RIT2: variants seen among roughly 807,000 people sequenced by gnomAD.
RIT2 encodes the protein Ras like without CAAX 2.
Under a neutral mutation model 23.7 loss-of-function variants are expected in RIT2, and 24 were observed. That is an observed-to-expected ratio of 1.01 (90% CI 0.73 to 1.43). The LOEUF (loss-of-function observed/expected upper bound fraction) is 1.43, where lower values mean the gene tolerates loss of function less well. Among genes scored for constraint, RIT2 ranks in the 40% most tolerant of loss-of-function variants. The pLI, the probability that RIT2 is intolerant of heterozygous loss-of-function variation, is 0.00. For synonymous variants in RIT2, 107 were observed against 91.1 expected (o/e 1.17, Z -0.99); for missense variants, 236 against 266.9 (o/e 0.88, Z 0.81).
At chr18:43,111,722 A>G (rs1339268622) in intron 1 of RIT2, among the ~76,000 whole-genome samples, 3 of 152,154 alleles carry the variant, frequency 2.0e-5, no homozygotes, top group Non-Finnish European at 4.4e-5. Flanking sequence ...GCTACTTTGT[A>G]TACATATCTG....
At chr18:42,894,577 C>A (rs1204745284) in intron 4 of RIT2, among the ~76,000 whole-genome samples, 1 of 152,072 alleles carries the variant, frequency 6.6e-6, no homozygotes, top group Non-Finnish European at 1.5e-5. Flanking sequence ...TGTGATCAGT[C>A]AGGCTATGAT....
At chr18:42,989,215 T>C (rs1910783897) in intron 2 of RIT2, among the ~76,000 whole-genome samples, 1 of 152,176 alleles carries the variant, frequency 6.6e-6, no homozygotes, top group South Asian at 2.1e-4. Context: ...TTTTGGACAA[T>C]GAATGGGCTA....
chr18:43,074,201 C>T (rs1188337053), intron 1 of RIT2, among the ~76,000 whole-genome samples: 1 of 152,174 alleles, frequency 6.6e-6, no homozygotes, highest in Admixed American at 6.5e-5. Flanking sequence ...AAATTAAACT[C>T]ACTTAATATT....
At chr18:42,764,210 A>T (rs958198826) in intron 4 of RIT2, among the ~76,000 whole-genome samples, 2 of 152,226 alleles carry the variant, frequency 1.3e-5, no homozygotes, top group Non-Finnish European at 2.9e-5. Context: ...CAGCATCGTG[A>T]TCACACTGAT....
intron 3 of RIT2, among the ~76,000 whole-genome samples, chr18:42,925,732 CTTCT>C (rs1393416863): frequency 6.6e-6 from 1 of 151,586 alleles, no homozygotes; most frequent in Non-Finnish European, 1.5e-5. Flanking sequence ...CAGTTAATAG[CTTCT>C]TTAACTTTAC....
At chr18:43,024,233 G>T (rs1364734119) in intron 2 of RIT2, among the ~76,000 whole-genome samples, 1 of 151,916 alleles carries the variant, frequency 6.6e-6, no homozygotes, top group Non-Finnish European at 1.5e-5. Flanking sequence ...ACACAGAATA[G>T]AAGGCCAGAA....
chr18:43,082,006 G>A (rs537650921), intron 1 of RIT2, among the ~76,000 whole-genome samples: 66 of 152,156 alleles, frequency 4.3e-4, no homozygotes, highest in Non-Finnish European at 8.1e-4. Context: ...ACTTGTTTAA[G>A]ATAGTCGTAA....
At chr18:42,925,481 A>T (rs1221443368) in intron 3 of RIT2, among the ~76,000 whole-genome samples, 2 of 152,038 alleles carry the variant, frequency 1.3e-5, no homozygotes, top group Non-Finnish European at 2.9e-5. Flanking sequence ...TCAGTTGTAT[A>T]TGATTAAAAC....
At chr18:42,909,615 G>C (rs954645047) in intron 4 of RIT2, among the ~76,000 whole-genome samples, 3 of 151,796 alleles carry the variant, frequency 2.0e-5, no homozygotes, top group Non-Finnish European at 4.4e-5. Context: ...CACCGCTAAA[G>C]AACATAACCA....
At chr18:42,892,983 C>T (rs186330128) in intron 4 of RIT2, among the ~76,000 whole-genome samples, 31 of 152,178 alleles carry the variant, frequency 2.0e-4, no homozygotes, top group African/African-American at 7.0e-4. Context: ...GCATGGAGGC[C>T]ATTTTTGGAA....
chr18:42,777,178 A>T (rs1913692042), intron 4 of RIT2, among the ~76,000 whole-genome samples: 1 of 152,104 alleles, frequency 6.6e-6, no homozygotes, highest in Non-Finnish European at 1.5e-5. Flanking sequence ...GGGCAGGAGA[A>T]ATCAAAAATT....
chr18:42,833,827 A>G (rs529205926), intron 4 of RIT2, among the ~76,000 whole-genome samples: 1 of 151,422 alleles, frequency 6.6e-6, no homozygotes, highest in Non-Finnish European at 1.5e-5. Flanking sequence ...GAAGAAAAAC[A>G]AAGAAAAATA....
At chr18:42,854,008 G>C (rs1907120711) in intron 4 of RIT2, among the ~76,000 whole-genome samples, 1 of 152,000 alleles carries the variant, frequency 6.6e-6, no homozygotes. Context: ...CTTATTACTG[G>C]TAGCTTAGTA....
intron 4 of RIT2, among the ~76,000 whole-genome samples, chr18:42,856,283 G>A (rs574814167): frequency 6.6e-6 from 1 of 152,334 alleles, no homozygotes; most frequent in East Asian, 1.9e-4. Flanking sequence ...ATACCTAGAA[G>A]GAAGGAATTG....
At chr18:43,098,171 T>C (rs1282700986) in intron 1 of RIT2, among the ~76,000 whole-genome samples, 1 of 151,994 alleles carries the variant, frequency 6.6e-6, no homozygotes, top group Non-Finnish European at 1.5e-5. Flanking sequence ...AATTCACTTG[T>C]TTCTAAAGGT....
At chr18:42,972,147 A>G (rs9946080) in intron 3 of RIT2, among the ~76,000 whole-genome samples, 27,126 of 151,770 alleles carry the variant, frequency 0.18, 2,670 homozygotes, top group Middle Eastern at 0.23. Context: ...AATTTAACCT[A>G]CTCAATGTTC....
intron 3 of RIT2, among the ~76,000 whole-genome samples, chr18:42,929,836 C>A (rs1414970718): frequency 6.6e-6 from 1 of 152,050 alleles, no homozygotes; most frequent in African/African-American, 2.4e-5. Context: ...GTGAGGGGAA[C>A]TCCAAAGAAG....
intron 1 of RIT2, among the ~76,000 whole-genome samples, chr18:43,099,580 C>A (rs866341110): frequency 1.3e-5 from 2 of 151,874 alleles, no homozygotes; most frequent in Non-Finnish European, 1.5e-5. Context: ...TTCATATTTC[C>A]CCTACAGCAT....
intron 4 of RIT2, among the ~76,000 whole-genome samples, chr18:42,894,413 C>T (rs1426176863): frequency 3.3e-5 from 5 of 152,170 alleles, no homozygotes; most frequent in South Asian, 4.1e-4. Flanking sequence ...TGGTCATAAA[C>T]GAAGCTCACT....
Sources: allele counts gnomAD v4.1 joint callset (sites outside exome capture counted in the v4.1 genomes callset), GRCh38; gene constraint gnomAD v4.1.1; transcripts MANE v1.5; gene names NCBI Gene and HGNC (gene_info 2026-07-23, HGNC 2026-07-21).